The following HOATZ variants were observed in gnomAD, a reference collection of about 807,000 sequenced individuals.
HOATZ encodes cilia- and flagella-associated protein HOATZ.
A neutral mutation model predicts 24.9 loss-of-function variants in HOATZ; 26 were observed. The observed-to-expected ratio is 1.04, with a 90% CI of 0.76 to 1.45. HOATZ has a LOEUF of 1.45. Ranked by LOEUF, HOATZ falls within the 40% of genes most tolerant of loss-of-function variation. HOATZ has a pLI of 0.00. For missense variants in HOATZ, 226 were observed against 201.5 expected (o/e 1.12, Z -0.74); for synonymous variants, 83 against 76.6 (o/e 1.08, Z -0.43).
At chr11:111,525,257 G>T (rs1867325021) in intron 3 of HOATZ, among the ~76,000 whole-genome samples, 1 of 152,060 alleles carries the variant, frequency 6.6e-6, no homozygotes, top group Non-Finnish European at 1.5e-5. Flanking sequence ...TTAGGATAGG[G>T]TATCTAAACT....
At chr11:111,525,236 CT>C (rs1867324589) in intron 3 of HOATZ, among the ~76,000 whole-genome samples, 1 of 152,060 alleles carries the variant, frequency 6.6e-6, no homozygotes, top group South Asian at 2.1e-4. Flanking sequence ...AAGAAAAACC[CT>C]ATAAGTTATT....
At chr11:111,532,323 T>C (rs1014307618) in intron 3 of HOATZ, among the ~76,000 whole-genome samples, 1 of 152,166 alleles carries the variant, frequency 6.6e-6, no homozygotes, top group Non-Finnish European at 1.5e-5. Context: ...AAAAATTACA[T>C]TGACGTTCTA....
chr11:111,527,936 A>G (rs1867356606), intron 3 of HOATZ, among the ~76,000 whole-genome samples: 1 of 152,252 alleles, frequency 6.6e-6, no homozygotes, highest in South Asian at 2.1e-4. Context: ...ATGAAATGGA[A>G]CCCACTGAGG....
At chr11:111,523,446 T>C (rs912968276) in intron 3 of HOATZ, among the ~76,000 whole-genome samples, 3 of 152,214 alleles carry the variant, frequency 2.0e-5, no homozygotes, top group African/African-American at 7.2e-5. Flanking sequence ...TATTGTTCTA[T>C]TGATGAAGCA....
rs189692002 is a variant in HOATZ at position 111,532,888 on chromosome 11, T to A, written c.340-858T>A. Among the ~76,000 whole-genome samples, 82 of 152,348 alleles carry A rather than the reference T, an allele frequency of 5.4e-4. 1 individual carries two copies. Among genetic ancestry groups the A allele is most frequent in the South Asian group, 1.9e-3 (9 of 4,828 alleles). ...GTTTTATTTGTTAGATGCTAGATTA[T>A]CAGGATTTCCTTTTTTTCTCAAATA... On this transcript the variant is annotated intron_variant, in intron 3 of 5. Coordinates refer to ENST00000375618, the MANE Select transcript of HOATZ (RefSeq NM_001100388.2).
At chr11:111,519,777 T>C (rs1158853354) in intron 3 of HOATZ, among the ~76,000 whole-genome samples, 1 of 152,228 alleles carries the variant, frequency 6.6e-6, no homozygotes, top group Non-Finnish European at 1.5e-5. Context: ...CATCTTAAAT[T>C]GGAAAAAACA....
chr11:111,536,839 C>T lies in HOATZ; in HGVS notation c.*12C>T. 6.2e-7 allele frequency: 1 copy of T among 1,610,990 alleles called. No homozygotes were observed. The highest frequency in any genetic ancestry group is 8.5e-7 in the Non-Finnish European group (1 of 1,177,310). Reference sequence around the variant, plus strand: ...AAACTTTGGACTAATTTGCTTGACACATGGCAGAGGATGGCTCACTTATAC... The same window carrying T: ...AAACTTTGGACTAATTTGCTTGACATATGGCAGAGGATGGCTCACTTATAC... On this transcript the variant is annotated 3_prime_UTR_variant, in exon 6 of 6. Transcript: ENST00000375618.
At chr11:111,523,373 T>G (rs766298576) in intron 3 of HOATZ, among the ~76,000 whole-genome samples, 11 of 152,162 alleles carry the variant, frequency 7.2e-5, no homozygotes, top group Non-Finnish European at 1.5e-4. Context: ...AGTTTCATAT[T>G]GATAAATCAG....
intron 3 of HOATZ, among the ~76,000 whole-genome samples, chr11:111,530,312 C>T (rs575044717): frequency 4.6e-5 from 7 of 152,284 alleles, no homozygotes; most frequent in East Asian, 3.9e-4. Flanking sequence ...TAAGCTAGAA[C>T]TTGCCATTCA....
At chr11:111,525,872 G>A (rs900977822) in intron 3 of HOATZ, among the ~76,000 whole-genome samples, 2 of 152,160 alleles carry the variant, frequency 1.3e-5, no homozygotes, top group African/African-American at 4.8e-5. Flanking sequence ...GTGTTCTTGG[G>A]GCAAATGGGA....
intron 3 of HOATZ, among the ~76,000 whole-genome samples, chr11:111,530,662 TAA>T (rs753354431): frequency 4.6e-5 from 7 of 152,184 alleles, no homozygotes; most frequent in Non-Finnish European, 1.0e-4. Flanking sequence ...TGAATAATTA[TAA>T]AGTCTTATAA....
At chr11:111,518,738 A>G (rs372004970) in intron 3 of HOATZ, among the ~76,000 whole-genome samples, 71 of 152,356 alleles carry the variant, frequency 4.7e-4, no homozygotes, top group African/African-American at 1.6e-3. Context: ...TGTGAGAAGC[A>G]CTATTTCCAG....
intron 3 of HOATZ, chr11:111,524,948 A>G (rs114729790): frequency 0.015 from 6,616 of 432,014 alleles, 378 homozygotes; most frequent in African/African-American, 0.12. Context: ...TGCAGCCTCA[A>G]CTTTCTCGGA....
Position 111,515,554 on chromosome 11 carries a change from T to G in HOATZ, c.268+2T>G. The G allele has an allele frequency of 1.2e-6, 2 of 1,612,294 alleles. No individual in the cohort carries two copies. Among genetic ancestry groups the G allele is most frequent in the Non-Finnish European group, 1.7e-6 (2 of 1,178,364 alleles). On this transcript the variant is annotated splice_donor_variant, in intron 2 of 5. Coordinates refer to ENST00000375618, the MANE Select transcript of HOATZ (RefSeq NM_001100388.2). LOFTEE classifies it high-confidence loss of function. ...AGTCTTTTCACCTTGCGAGTAACAG[T>G]AAGTACCAAGTTTTATGCCTTTCAA...
intron 3 of HOATZ, among the ~76,000 whole-genome samples, chr11:111,525,412 A>C (rs747038670): frequency 3.3e-5 from 5 of 152,220 alleles, no homozygotes; most frequent in African/African-American, 4.8e-5. Flanking sequence ...AATAGATAAA[A>C]TAGCTGGTAG....
chr11:111,524,871 CT>C (rs372073113), intron 3 of HOATZ: 217 of 431,886 alleles, frequency 5.0e-4, no homozygotes, highest in Admixed American at 1.2e-3. Context: ...TTTTTCTTTT[CT>C]TTTTTTTTAG....
chr11:111,523,929 C>T (rs1211018355), intron 3 of HOATZ, among the ~76,000 whole-genome samples: 1 of 152,184 alleles, frequency 6.6e-6, no homozygotes, highest in Non-Finnish European at 1.5e-5. Flanking sequence ...TGTCATCATC[C>T]TTGAAATACA....
intron 3 of HOATZ, among the ~76,000 whole-genome samples, chr11:111,521,368 A>G (rs759920579): frequency 6.6e-6 from 1 of 152,208 alleles, no homozygotes; most frequent in Non-Finnish European, 1.5e-5. Context: ...TTGAATCATT[A>G]TAAGTCAACT....
intron 3 of HOATZ, among the ~76,000 whole-genome samples, chr11:111,518,335 A>G (rs1867231336): frequency 6.6e-6 from 1 of 152,204 alleles, no homozygotes; most frequent in African/African-American, 2.4e-5. Flanking sequence ...AACAATGCCA[A>G]AATACAAAAG....
Sources: allele counts gnomAD v4.1 joint callset (sites outside exome capture counted in the v4.1 genomes callset), GRCh38; gene constraint gnomAD v4.1.1; transcripts MANE v1.5; gene names NCBI Gene and HGNC (gene_info 2026-07-23, HGNC 2026-07-21).